Variants in CTDP1 observed in about 807,000 individuals in gnomAD.
CTDP1 encodes the protein RNA polymerase II subunit A C-terminal domain phosphatase.
A neutral mutation model predicts 91.8 loss-of-function variants in CTDP1; 47 were observed. The observed-to-expected ratio is 0.51, with a 90% CI of 0.41 to 0.65. The LOEUF is 0.65. Among genes scored for constraint, CTDP1 ranks in the 30% least tolerant of loss-of-function variants. The pLI, the probability that CTDP1 is intolerant of heterozygous loss-of-function variation, is 0.00. For missense variants in CTDP1, 1,272 were observed against 1,373.7 expected (o/e 0.93, Z 1.17); for synonymous variants, 656 against 598.5 (o/e 1.10, Z -1.40).
At chr18:79,737,179 C>T (rs1042753736) in intron 12 of CTDP1, among the ~76,000 whole-genome samples, 6 of 152,356 alleles carry the variant, frequency 3.9e-5, no homozygotes, top group Non-Finnish European at 5.9e-5. Flanking sequence ...GCACTCTAAA[C>T]GCTGCTCACC....
chr18:79,679,444 G>A (rs1599169439), upstream of CTDP1: 1 of 456,208 alleles, frequency 2.2e-6, no homozygotes, highest in Non-Finnish European at 4.4e-6. Flanking sequence ...GCCGGAACTC[G>A]TAGTCTCGGG....
chr18:79,735,597 G>A (rs943952757), intron 11 of CTDP1: 1 of 152,868 alleles, frequency 6.5e-6, no homozygotes, highest in Admixed American at 6.5e-5. Flanking sequence ...TTCAGGAGAG[G>A]AGGGGAGAAC....
intron 10 of CTDP1, among the ~76,000 whole-genome samples, chr18:79,722,185 C>G (rs147530883): frequency 2.6e-5 from 4 of 152,336 alleles, no homozygotes; most frequent in African/African-American, 9.6e-5. Flanking sequence ...TATCTGAAAA[C>G]AGACTTGCAG....
chr18:79,695,992 C>T lies in CTDP1; in HGVS notation c.414C>T (p.Asn138=), dbSNP rs755319299. Residue 138 remains asparagine, a synonymous_variant, in exon 3 of 13, where the codon AAC becomes AAT. Coordinates refer to ENST00000613122, the MANE Select transcript of CTDP1 (RefSeq NM_004715.5). ...GCACTTGCAGGTTGCAGAGTAAGAA[C>T]GGGAAGCAGCAGGTGCCGCTGTCCA... ...GQDLTQLQSK[N]GKQQVPLSTA... 25 of 1,612,382 alleles carry T rather than the reference C, an allele frequency of 1.6e-5. No homozygotes were observed. Among genetic ancestry groups the T allele is most frequent in the Middle Eastern group, 1.6e-4 (1 of 6,084 alleles).
chr18:79,706,857 G>A (rs921178621), intron 5 of CTDP1, among the ~76,000 whole-genome samples: 2 of 152,258 alleles, frequency 1.3e-5, no homozygotes, highest in African/African-American at 4.8e-5. Flanking sequence ...CCCACACAAG[G>A]CGCACACCAG....
At position 79,717,931 on chromosome 18, in the gene CTDP1, A is replaced by T; in HGVS notation, c.2332A>T (p.Thr778Ser). 1 of 1,613,578 alleles carries T rather than the reference A, an allele frequency of 6.2e-7. No individual in the cohort carries two copies. Among genetic ancestry groups the T allele is most frequent in the African/African-American group, 1.3e-5 (1 of 75,034 alleles). ...CGAGGTTCGGATCTACGACTCCAAC[A>T]CGGGGAAGCTCATCAGGACGGGCGC... is the stretch of plus-strand genomic sequence containing the variant. ...GPEVRIYDSNTGKLIRTGARG... is the reference protein window; with the variant it reads ...GPEVRIYDSNSGKLIRTGARG... The change falls in exon 10 of 13, where the codon ACG (threonine) becomes TCG (serine). Residue 778 changes from threonine (T) to serine (S), a missense_variant. Around this residue, in one of 3 missense-constraint regions of CTDP1, gnomAD observed 881 missense variants for 911.6 expected, o/e 0.97. Coordinates refer to ENST00000613122, the MANE Select transcript of CTDP1 (RefSeq NM_004715.5).
chr18:79,689,707 A>C (rs2085579731), intron 1 of CTDP1, among the ~76,000 whole-genome samples: 1 of 152,166 alleles, frequency 6.6e-6, no homozygotes, highest in Non-Finnish European at 1.5e-5. Flanking sequence ...CTTGAACCCC[A>C]GAGGCAGAGA....
At position 79,704,936 on chromosome 18, in the gene CTDP1, G is replaced by C. The variant is rs781700069; in HGVS notation, c.772+19G>C. ...ATCGCAGGTCAGTCAAGCCGCAGCC[G>C]AAGAGGCCGTGTGAACAGTGGGTTT... On this transcript the variant is annotated intron_variant, in intron 5 of 12. Coordinates refer to ENST00000613122, the MANE Select transcript of CTDP1 (RefSeq NM_004715.5). 2.5e-6 allele frequency: 4 copies of C among 1,612,464 alleles called. No individual in the cohort carries two copies. The South Asian group carries it at 4.4e-5, about 18-fold the overall frequency.
In CTDP1 at chr18:79,735,910, C is replaced by A. The variant is rs920248843; in HGVS notation, c.2581-445C>A. 1.9e-5 allele frequency: 4 copies of A among 206,834 alleles called. No individual in the cohort carries two copies. In the East Asian group the frequency reaches 4.8e-4, roughly 25 times the overall value. The allele number at this position is 206,834 out of a possible 1,614,324, so 12.8% of individuals were successfully genotyped here. On this transcript the variant is annotated intron_variant, in intron 11 of 12. Transcript: ENST00000613122. ...AGCGAGCGTCCCTGTGGCACGGCCACGTCTCCACCCCCAGGTGGCTGCTCT... is the reference window on the plus strand; with the variant it reads ...AGCGAGCGTCCCTGTGGCACGGCCAAGTCTCCACCCCCAGGTGGCTGCTCT...
chr18:79,679,891 T>C lies in CTDP1; in HGVS notation c.-57T>C. ...TGGGTTGTGTCGCCGCGGTAGGCGCTGCGCTCTGAGCGCAGCGCAGGCCCC... is the reference window on the plus strand; with the variant it reads ...TGGGTTGTGTCGCCGCGGTAGGCGCCGCGCTCTGAGCGCAGCGCAGGCCCC... On this transcript the variant is annotated 5_prime_UTR_variant, in exon 1 of 13. Coordinates refer to ENST00000613122, the MANE Select transcript of CTDP1 (RefSeq NM_004715.5). The C allele has an allele frequency of 7.7e-7, 1 of 1,291,294 alleles. No individual in the cohort carries two copies. The highest frequency in any genetic ancestry group is 1.6e-5 in the South Asian group (1 of 63,656). 80.0% of individuals were successfully genotyped at this position (1,291,294 alleles called of 1,614,324 possible).
intron 10 of CTDP1, among the ~76,000 whole-genome samples, chr18:79,720,999 G>T (rs1260913059): frequency 6.6e-6 from 1 of 152,204 alleles, no homozygotes; most frequent in Admixed American, 6.5e-5. Flanking sequence ...AAGAACAGCC[G>T]AATGAGGGGG....
chr18:79,718,344 G>A (rs1287864875), intron 10 of CTDP1, among the ~76,000 whole-genome samples: 5 of 152,208 alleles, frequency 3.3e-5, no homozygotes, highest in African/African-American at 7.2e-5. Flanking sequence ...GAGCAGAGCC[G>A]GGCTGGTTCT....
chr18:79,739,642 G>A (rs947936982), intron 12 of CTDP1, among the ~76,000 whole-genome samples: 9 of 152,170 alleles, frequency 5.9e-5, no homozygotes, highest in African/African-American at 1.9e-4. Context: ...GACCAGATCA[G>A]TACTGTAATT....
intron 3 of CTDP1, 56 bp downstream of exon 3, chr18:79,696,126 G>A (rs947567395): frequency 7.4e-6 from 11 of 1,487,640 alleles, no homozygotes; most frequent in African/African-American, 4.1e-5. Flanking sequence ...TGAGGAGGGC[G>A]GCTGCAGGAG....
chr18:79,686,601 TA>T (rs1190766046), intron 1 of CTDP1, among the ~76,000 whole-genome samples: 1 of 152,290 alleles, frequency 6.6e-6, no homozygotes, highest in African/African-American at 2.4e-5. Context: ...TTAACTCATT[TA>T]ATATTTGTAA....
chr18:79,750,246 C>T (rs1173044940), intron 12 of CTDP1, among the ~76,000 whole-genome samples: 3 of 151,914 alleles, frequency 2.0e-5, no homozygotes, highest in Non-Finnish European at 4.4e-5. Context: ...GTGTTGCGGT[C>T]ATGGCCCAGG....
chr18:79,741,708 C>G (rs925567455), intron 12 of CTDP1, among the ~76,000 whole-genome samples: 7 of 152,224 alleles, frequency 4.6e-5, no homozygotes, highest in Admixed American at 2.0e-4. Context: ...GTGGGAGACA[C>G]AGGGCGGCAG....
chr18:79,714,325 TA>T (rs1463482110), intron 7 of CTDP1, among the ~76,000 whole-genome samples, 165 bp from the exon 8 acceptor site: 3 of 152,096 alleles, frequency 2.0e-5, no homozygotes, highest in African/African-American at 7.2e-5. Flanking sequence ...GCACTTCAGG[TA>T]AGGGGTGCTC....
chr18:79,742,883 A>C (rs1364085594), intron 12 of CTDP1, among the ~76,000 whole-genome samples: 2 of 152,188 alleles, frequency 1.3e-5, no homozygotes, highest in Non-Finnish European at 2.9e-5. Context: ...ACTAGAACCC[A>C]GAGGGGAGGT....
Sources: gnomAD v4.1 joint callset for allele counts (sites outside exome capture counted in the v4.1 genomes callset) on GRCh38, gnomAD v4.1.1 for gene constraint, gnomAD v4.1.1 regional missense constraint, MANE v1.5 for transcripts, NCBI Gene and HGNC (gene_info 2026-07-23, HGNC 2026-07-21) for gene names.